The following SH3GL2 variants were observed in gnomAD, a reference collection of about 807,000 sequenced individuals.
SH3GL2 encodes the protein SH3 domain containing GRB2 like 2, endophilin A1.
Under a neutral mutation model 46.0 loss-of-function variants are expected in SH3GL2, and 24 were observed. The ratio of observed to expected loss-of-function variants is 0.52; its 90% CI spans 0.38 to 0.73. SH3GL2 has a LOEUF of 0.73. Ranked by LOEUF, SH3GL2 falls within the 30% of genes least tolerant of loss-of-function variation. The pLI, the probability that SH3GL2 is intolerant of heterozygous loss-of-function variation, is 0.00. For missense variants in SH3GL2, 413 were observed against 424.2 expected, an observed-to-expected ratio of 0.97 and a Z score of 0.23; for synonymous variants, 196 against 147.1, an observed-to-expected ratio of 1.33 and a Z score of -2.40.
At chr9:17,744,587 G>A (rs547496351) in intron 1 of SH3GL2, among the ~76,000 whole-genome samples, 5 of 152,086 alleles carry the variant, frequency 3.3e-5, no homozygotes, top group Non-Finnish European at 4.4e-5. Context: ...GGCTGGTCTC[G>A]GAAATCCTGG....
intron 1 of SH3GL2, among the ~76,000 whole-genome samples, chr9:17,731,497 A>G (rs752483473): frequency 3.9e-5 from 6 of 151,908 alleles, no homozygotes; most frequent in East Asian, 1.9e-4. Context: ...CCACACAACC[A>G]CAGAGGAAGG....
At chr9:17,629,964 T>C (rs1271483810) in intron 1 of SH3GL2, among the ~76,000 whole-genome samples, 1 of 152,170 alleles carries the variant, frequency 6.6e-6, no homozygotes, top group Non-Finnish European at 1.5e-5. Context: ...ATGGAGATGC[T>C]TGAAAAAGTG....
At chr9:17,733,980 C>T (rs1440474360) in intron 1 of SH3GL2, among the ~76,000 whole-genome samples, 4 of 151,924 alleles carry the variant, frequency 2.6e-5, no homozygotes, top group Non-Finnish European at 5.9e-5. Flanking sequence ...CTTAGTGAAC[C>T]AGTGTACTAA....
chr9:17,761,598 C>T, intron 3 of SH3GL2, 89 bp downstream of exon 3: 1 of 877,994 alleles, frequency 1.1e-6, no homozygotes, highest in Non-Finnish European at 2.0e-6. Context: ...TGTGTTTCTT[C>T]TTTTGGTGTT....
At chr9:17,761,004 T>C (rs967793966) in intron 2 of SH3GL2, among the ~76,000 whole-genome samples, 2 of 152,212 alleles carry the variant, frequency 1.3e-5, no homozygotes, top group African/African-American at 4.8e-5. Flanking sequence ...TTTTAGGATG[T>C]TCTTAGAAGT....
chr9:17,664,265 A>T (rs1820291796), intron 1 of SH3GL2, among the ~76,000 whole-genome samples: 1 of 152,188 alleles, frequency 6.6e-6, no homozygotes, highest in African/African-American at 2.4e-5. Context: ...ACATGTTAGC[A>T]AAGCAAGCTT....
intron 1 of SH3GL2, among the ~76,000 whole-genome samples, chr9:17,731,451 GAC>G (rs1822180132): frequency 1.3e-5 from 2 of 150,986 alleles, no homozygotes; most frequent in Non-Finnish European, 3.0e-5. Flanking sequence ...GAGAGAGAGA[GAC>G]AGACAGAGAG....
At chr9:17,750,013 A>T (rs765384764) in intron 2 of SH3GL2, among the ~76,000 whole-genome samples, 2 of 152,164 alleles carry the variant, frequency 1.3e-5, no homozygotes, top group African/African-American at 2.4e-5. Flanking sequence ...GTTTCAGTGC[A>T]GTGTGGCAAT....
intron 1 of SH3GL2, among the ~76,000 whole-genome samples, chr9:17,721,007 A>T (rs370497063): frequency 1.2e-4 from 18 of 152,172 alleles, no homozygotes; most frequent in Non-Finnish European, 1.5e-4. Flanking sequence ...AGCCTTATAG[A>T]CTGGTTAACA....
chr9:17,717,037 T>C (rs751578054), intron 1 of SH3GL2, among the ~76,000 whole-genome samples: 1 of 152,108 alleles, frequency 6.6e-6, no homozygotes, highest in Non-Finnish European at 1.5e-5. Flanking sequence ...TGCTTTTTAT[T>C]TCGTCAGAAC....
At chr9:17,691,711 A>G (rs542258332) in intron 1 of SH3GL2, among the ~76,000 whole-genome samples, 2 of 152,276 alleles carry the variant, frequency 1.3e-5, no homozygotes, top group East Asian at 3.9e-4. Flanking sequence ...CATAGTTGGT[A>G]TTTTATTAAA....
chr9:17,651,872 G>A (rs7350202), intron 1 of SH3GL2, among the ~76,000 whole-genome samples: 81,981 of 151,852 alleles, frequency 0.54, 23,230 homozygotes, highest in African/African-American at 0.71. Flanking sequence ...TTTTTATTCT[G>A]TCTTTAAACT....
intron 1 of SH3GL2, among the ~76,000 whole-genome samples, chr9:17,634,476 C>A (rs1245324085): frequency 2.0e-5 from 3 of 151,994 alleles, no homozygotes; most frequent in Non-Finnish European, 4.4e-5. Context: ...GTTTCCAGAC[C>A]CTCTGAAATA....
chr9:17,746,936 A>G, intron 1 of SH3GL2, 130 bp from the exon 2 acceptor site: 1 of 627,240 alleles, frequency 1.6e-6, no homozygotes, highest in Non-Finnish European at 2.8e-6. Flanking sequence ...TAAAAATGAG[A>G]CTCTCCACCT....
At chr9:17,693,185 T>C (rs550061260) in intron 1 of SH3GL2, among the ~76,000 whole-genome samples, 1 of 152,318 alleles carries the variant, frequency 6.6e-6, no homozygotes, top group African/African-American at 2.4e-5. Context: ...TAGTGGGTTT[T>C]GGAAATTTAC....
At chr9:17,611,146 C>T (rs1385681381) in intron 1 of SH3GL2, among the ~76,000 whole-genome samples, 1 of 151,910 alleles carries the variant, frequency 6.6e-6, no homozygotes, top group Non-Finnish European at 1.5e-5. Flanking sequence ...CAATAATAAC[C>T]TTGCAAATAG....
intron 6 of SH3GL2, 42 bp downstream of exon 6, chr9:17,789,592 G>T: frequency 3.1e-6 from 5 of 1,608,826 alleles, no homozygotes; most frequent in Non-Finnish European, 3.4e-6. Flanking sequence ...TTATCATCGA[G>T]GCACAACATT....
At chr9:17,657,144 C>G (rs1448748673) in intron 1 of SH3GL2, among the ~76,000 whole-genome samples, 1 of 152,170 alleles carries the variant, frequency 6.6e-6, no homozygotes, top group Non-Finnish European at 1.5e-5. Context: ...CACTGAATTA[C>G]TTCTTCAGTT....
At chr9:17,758,148 A>T (rs1453801061) in intron 2 of SH3GL2, among the ~76,000 whole-genome samples, 1 of 152,178 alleles carries the variant, frequency 6.6e-6, no homozygotes, top group Non-Finnish European at 1.5e-5. Flanking sequence ...ACACTTAAAG[A>T]GCTCCTTTCC....
Sources: allele counts gnomAD v4.1 joint callset (sites outside exome capture counted in the v4.1 genomes callset), GRCh38; gene constraint gnomAD v4.1.1; transcripts MANE v1.5; gene names NCBI Gene and HGNC (gene_info 2026-07-23, HGNC 2026-07-21).